NYAP2: variants seen among roughly 807,000 people sequenced by gnomAD.
NYAP2 encodes the protein neuronal tyrosine-phosphorylated phosphoinositide-3-kinase adaptor 2, also known as neuronal tyrosine-phosphorylated phosphoinositide-3-kinase adapter 2.
In NYAP2, 23 loss-of-function variants were observed where a neutral mutation model predicts 50.4. The observed-to-expected ratio is 0.46, with a 90% CI of 0.33 to 0.65. The LOEUF (loss-of-function observed/expected upper bound fraction) is 0.65, where lower values mean the gene tolerates loss of function less well. Among genes scored for constraint, NYAP2 ranks in the 30% least tolerant of loss-of-function variants. The pLI, the probability that NYAP2 is intolerant of heterozygous loss-of-function variation, is 0.02. For synonymous variants in NYAP2, 394 were observed against 365.2 expected (o/e 1.08, Z -0.90); for missense variants, 885 against 861.0 (o/e 1.03, Z -0.35).
At chr2:225,572,070 A>C (rs1216182733) in intron 4 of NYAP2, among the ~76,000 whole-genome samples, 1 of 152,146 alleles carries the variant, frequency 6.6e-6, no homozygotes, top group Non-Finnish European at 1.5e-5. Context: ...CTCATCTCCA[A>C]CTGAGACCAC....
intron 3 of NYAP2, among the ~76,000 whole-genome samples, chr2:225,483,884 C>T (rs948731292): frequency 6.6e-6 from 1 of 152,136 alleles, no homozygotes. Flanking sequence ...ATACTTTCTT[C>T]TGTTTAAGAA....
chr2:225,585,564 T>A lies in NYAP2; in HGVS notation c.1618+2529T>A, dbSNP rs139813754. Among the ~76,000 whole-genome samples, 106 of 152,306 alleles carry A rather than the reference T, an allele frequency of 7.0e-4. No homozygotes were observed. The Middle Eastern group carries it at 0.01, about 15-fold the overall frequency. On this transcript the variant is annotated intron_variant, in intron 5 of 6. Coordinates refer to ENST00000636099, the Ensembl canonical transcript of NYAP2. ...TTTATAGCTTTTAGGGAGCCAAGGA[T>A]TGAATTATTTCACATGTGCTATTAA...
At chr2:225,640,422 CTA>C (rs1436373575) in intron 6 of NYAP2, among the ~76,000 whole-genome samples, 2 of 152,152 alleles carry the variant, frequency 1.3e-5, no homozygotes, top group East Asian at 3.8e-4. Context: ...AGTGAGAACA[CTA>C]TGAGGTGACA....
chr2:225,656,112 T>C (rs1693821003), downstream of NYAP2, among the ~76,000 whole-genome samples: 2 of 152,168 alleles, frequency 1.3e-5, no homozygotes, highest in African/African-American at 2.4e-5. Context: ...TCTCTGATCA[T>C]CCTTGATTTG....
At chr2:225,564,534 A>G (rs750466234) in intron 4 of NYAP2, among the ~76,000 whole-genome samples, 7 of 151,994 alleles carry the variant, frequency 4.6e-5, no homozygotes, top group Non-Finnish European at 1.0e-4. Flanking sequence ...TAAAAGACCA[A>G]CTAAAGAGTA....
chr2:225,534,260 C>T (rs1468761035), intron 4 of NYAP2, among the ~76,000 whole-genome samples: 9 of 152,156 alleles, frequency 5.9e-5, no homozygotes, highest in African/African-American at 2.2e-4. Context: ...CCCTCATTCC[C>T]CCAAAGGATG....
intron 4 of NYAP2, among the ~76,000 whole-genome samples, chr2:225,574,971 A>C (rs942988575): frequency 2.6e-5 from 4 of 152,154 alleles, no homozygotes; most frequent in Non-Finnish European, 5.9e-5. Context: ...CAAACACTGC[A>C]CTGAAGCTAT....
In NYAP2 at chr2:225,519,803, G is replaced by C. The variant is rs376077206; in HGVS notation, c.523+6131G>C. On this transcript the variant is annotated intron_variant, in intron 4 of 6. Transcript: ENST00000636099. Reference sequence around the variant, plus strand: ...TATATACCCAGTAATGGGATGGCTGGGTCAAATGGTATTTCTAGTTTTAGA... The same window carrying C: ...TATATACCCAGTAATGGGATGGCTGCGTCAAATGGTATTTCTAGTTTTAGA... 5.3e-5 allele frequency among the ~76,000 whole-genome samples: 8 copies of C among 152,204 alleles called. No individual in the cohort carries two copies. The East Asian group carries it at 7.7e-4, about 15-fold the overall frequency.
chr2:225,558,739 A>G (rs185796828), intron 4 of NYAP2, among the ~76,000 whole-genome samples: 170 of 152,248 alleles, frequency 1.1e-3, no homozygotes, highest in African/African-American at 3.9e-3. Flanking sequence ...CCATTGTTCT[A>G]TCTTCCATAG....
At chr2:225,650,978 T>C (rs1693720697) in intron 6 of NYAP2, among the ~76,000 whole-genome samples, 2 of 152,158 alleles carry the variant, frequency 1.3e-5, no homozygotes, top group African/African-American at 4.8e-5. Flanking sequence ...GTTGAAGAAA[T>C]GTTACATTGA....
intron 3 of NYAP2, among the ~76,000 whole-genome samples, chr2:225,433,499 T>G (rs893572982): frequency 6.6e-6 from 1 of 151,922 alleles, no homozygotes; most frequent in Non-Finnish European, 1.5e-5. Context: ...GTCAAATTTT[T>G]AAAGGGCAAA....
At chr2:225,483,868 A>C (rs1348611154) in intron 3 of NYAP2, among the ~76,000 whole-genome samples, 2 of 152,206 alleles carry the variant, frequency 1.3e-5, no homozygotes, top group African/African-American at 4.8e-5. Context: ...TACTATCTGG[A>C]GTCAAATACT....
chr2:225,533,434 C>T (rs1476537391), intron 4 of NYAP2, among the ~76,000 whole-genome samples: 2 of 152,156 alleles, frequency 1.3e-5, no homozygotes, highest in Non-Finnish European at 2.9e-5. Context: ...TGCCTATAAT[C>T]CCAGCACTTT....
intron 4 of NYAP2, among the ~76,000 whole-genome samples, chr2:225,552,628 A>T (rs976944633): frequency 6.6e-6 from 1 of 152,162 alleles, no homozygotes; most frequent in African/African-American, 2.4e-5. Context: ...ACCAGAACTG[A>T]CCATGCTGGA....
chr2:225,687,109 T>C, the NYAP2 span, among the ~76,000 whole-genome samples: 2 of 152,178 alleles, frequency 1.3e-5, no homozygotes, highest in South Asian at 4.1e-4. Flanking sequence ...GCATGTGATA[T>C]ATTTAGTCTT....
chr2:225,672,513 T>C, the NYAP2 span, among the ~76,000 whole-genome samples: 1 of 152,188 alleles, frequency 6.6e-6, no homozygotes, highest in African/African-American at 2.4e-5. Context: ...AAGAAGGCTG[T>C]TTCACTTTTT....
At chr2:225,520,657 G>C (rs113792925) in intron 4 of NYAP2, among the ~76,000 whole-genome samples, 1 of 152,188 alleles carries the variant, frequency 6.6e-6, no homozygotes, top group African/African-American at 2.4e-5. Flanking sequence ...CCAGTACCAT[G>C]CTGTTTTGGT....
intron 5 of NYAP2, among the ~76,000 whole-genome samples, chr2:225,624,485 A>T (rs1292066843): frequency 6.6e-6 from 1 of 152,200 alleles, no homozygotes; most frequent in African/African-American, 2.4e-5. Context: ...CAATTTTTAC[A>T]TGGGTGGTTG....
At chr2:225,421,072 A>G (rs999299077) in intron 3 of NYAP2, among the ~76,000 whole-genome samples, 1 of 151,726 alleles carries the variant, frequency 6.6e-6, no homozygotes, top group African/African-American at 2.4e-5. Context: ...ACCGTCACAC[A>G]CCACTATGCC....
Sources: gnomAD v4.1 joint callset for allele counts (sites outside exome capture counted in the v4.1 genomes callset) on GRCh38, gnomAD v4.1.1 for gene constraint, MANE v1.5 for transcripts, NCBI Gene and HGNC (gene_info 2026-07-23, HGNC 2026-07-21) for gene names.